SH2B3: variants seen among roughly 807,000 people sequenced by gnomAD.
SH2B3 encodes the protein SH2B adapter protein 3.
SH2B3 carries 43 observed loss-of-function variants against 51.9 expected under a neutral mutation model. The observed-to-expected ratio is 0.83, with a 90% CI of 0.65 to 1.07. The LOEUF (loss-of-function observed/expected upper bound fraction) is 1.07. Ranked by LOEUF, SH2B3 falls within the 50% of genes least tolerant of loss-of-function variation. SH2B3 has a pLI of 0.00. For synonymous variants in SH2B3, 396 were observed against 376.0 expected (o/e 1.05, Z -0.62); for missense variants, 952 against 834.3 (o/e 1.14, Z -1.74).
intron 1 of SH2B3, among the ~76,000 whole-genome samples, chr12:111,417,137 T>G (rs1347750234): frequency 6.6e-6 from 1 of 152,190 alleles, no homozygotes; most frequent in Admixed American, 6.5e-5. Flanking sequence ...CCTCACTCTT[T>G]CCCCCTGATG....
chr12:111,413,038 G>A (rs958116957), intron 1 of SH2B3, among the ~76,000 whole-genome samples: 1 of 152,182 alleles, frequency 6.6e-6, no homozygotes, highest in Admixed American at 6.5e-5. Context: ...CATTCATTGG[G>A]AAGTGAGCCC....
intron 2 of SH2B3, among the ~76,000 whole-genome samples, chr12:111,420,654 G>A (rs931574932): frequency 6.6e-6 from 1 of 152,162 alleles, no homozygotes; most frequent in Non-Finnish European, 1.5e-5. Context: ...TCATTCATTC[G>A]ACAGATATTT....
At chr12:111,431,518 T>C (rs926489935) in intron 2 of SH2B3, among the ~76,000 whole-genome samples, 3 of 151,742 alleles carry the variant, frequency 2.0e-5, no homozygotes, top group Non-Finnish European at 4.4e-5. Flanking sequence ...CAGAAAAACC[T>C]CCCACAATCT....
intron 2 of SH2B3, among the ~76,000 whole-genome samples, chr12:111,427,451 G>C (rs1249973483): frequency 6.6e-6 from 1 of 151,196 alleles, no homozygotes; most frequent in Non-Finnish European, 1.5e-5. Context: ...GCCGGCATTG[G>C]AGGGGGTCCC....
rs1873140503 is a variant in SH2B3 at position 111,438,912 on chromosome 12, A to G, written c.733-7841A>G. 6.6e-6 allele frequency among the ~76,000 whole-genome samples: 1 copy of G among 152,210 alleles called. No individual in the cohort carries two copies. Among genetic ancestry groups the G allele is most frequent in the African/African-American group, 2.4e-5 (1 of 41,454 alleles). On this transcript the variant is annotated intron_variant, in intron 2 of 7. Coordinates refer to ENST00000341259, the MANE Select transcript of SH2B3 (RefSeq NM_005475.3). This position sits in a 1 kb window ranked among gnomAD's most constrained non-coding sequence, Gnocchi z 4.2. ...GATCAGAGCGAGGGAGGGAGGCCCAAGAGGCTGAGGAGGTAACAAGGGTCT... is the reference window on the plus strand; with the variant it reads ...GATCAGAGCGAGGGAGGGAGGCCCAGGAGGCTGAGGAGGTAACAAGGGTCT...
chr12:111,423,680 A>C (rs1197330093), intron 2 of SH2B3, among the ~76,000 whole-genome samples: 1 of 152,054 alleles, frequency 6.6e-6, no homozygotes, highest in Non-Finnish European at 1.5e-5. Flanking sequence ...AGGGTTCTTA[A>C]CTTTGAAAAA....
intron 2 of SH2B3, chr12:111,434,957 G>T (rs1276235570): frequency 1.3e-6 from 2 of 1,535,462 alleles, no homozygotes; most frequent in Non-Finnish European, 1.7e-6. Flanking sequence ...GGCTGTGCCA[G>T]TTGGCTGGGA....
At chr12:111,421,103 A>G (rs73428145) in intron 2 of SH2B3, among the ~76,000 whole-genome samples, 15,508 of 152,184 alleles carry the variant, frequency 0.1, 2,654 homozygotes, top group African/African-American at 0.35. Context: ...GTTCTTGAAC[A>G]TCATGTGAAT....
rs186282978 is a variant in SH2B3 at position 111,409,411 on chromosome 12, C to T, written c.-28+3134C>T. ...TTAATTGCCAGGTTTCCTGGGAAAA[C>T]GGTCCCCAAGGGCCCGCGGGCGTTC... On this transcript the variant is annotated intron_variant, in intron 1 of 7. Coordinates refer to ENST00000341259, the MANE Select transcript of SH2B3 (RefSeq NM_005475.3). The surrounding 1 kb of genome is among the most constrained non-coding windows in gnomAD (Gnocchi z 4.0). 2.8e-3 allele frequency among the ~76,000 whole-genome samples: 434 copies of T among 152,336 alleles called. 3 individuals are homozygous for T. The highest frequency in any genetic ancestry group is 5.4e-3 in the South Asian group (26 of 4,830).
chr12:111,440,181 A>G (rs1873271351), intron 2 of SH2B3, among the ~76,000 whole-genome samples: 1 of 152,114 alleles, frequency 6.6e-6, no homozygotes. Flanking sequence ...TCATAGAAGC[A>G]CCCTGTGCTG....
intron 2 of SH2B3, among the ~76,000 whole-genome samples, chr12:111,432,817 C>A (rs954404210): frequency 3.3e-5 from 5 of 152,202 alleles, no homozygotes; most frequent in African/African-American, 9.7e-5. Context: ...TCCAGGTTCA[C>A]CGAAGTTACA....
At chr12:111,443,802 T>A (rs1873663040) in intron 2 of SH2B3, 2 of 152,082 alleles carry the variant, frequency 1.3e-5, no homozygotes, top group Admixed American at 6.6e-5. Context: ...TGTGAAAAAA[T>A]GAGCTGAATT....
intron 2 of SH2B3, among the ~76,000 whole-genome samples, chr12:111,432,459 TCA>T (rs1448510203): frequency 6.6e-6 from 1 of 152,224 alleles, no homozygotes; most frequent in African/African-American, 2.4e-5. Context: ...GAGTGCTGGG[TCA>T]AGGCTTTTAT....
intron 2 of SH2B3, among the ~76,000 whole-genome samples, chr12:111,423,654 G>A: frequency 6.6e-6 from 1 of 152,160 alleles, no homozygotes; most frequent in East Asian, 1.9e-4. Flanking sequence ...ACAGGCGTGA[G>A]CCACTGCGCC....
rs747361036 is a variant in SH2B3, at chr12:111,447,026, G to T, written c.919G>T (p.Gly307Cys). The T allele has an allele frequency of 6.2e-7, 1 of 1,613,686 alleles. No individual in the cohort carries two copies. Among genetic ancestry groups the T allele is most frequent in the South Asian group, 1.1e-5 (1 of 91,070 alleles). Residue 307 changes from glycine (G) to cysteine (C), a missense_variant, in exon 4 of 8, where the codon GGC becomes TGC. Gly to Cys is a radical substitution (Grantham distance 159). Coordinates refer to ENST00000341259, the MANE Select transcript of SH2B3 (RefSeq NM_005475.3). Reference sequence around the variant, plus strand: ...GATGGCTGAGCTCTCGGAGTGCACAGGCCGAGGGTGAGGTCCTGGGCCCTC... The same window carrying T: ...GATGGCTGAGCTCTCGGAGTGCACATGCCGAGGGTGAGGTCCTGGGCCCTC... Reference protein sequence around the residue: ...SWMAELSECTGRGLESTEAEM... With the variant: ...SWMAELSECTCRGLESTEAEM...
intron 2 of SH2B3, among the ~76,000 whole-genome samples, chr12:111,430,165 G>A (rs1463169251): frequency 6.6e-6 from 1 of 152,246 alleles, no homozygotes; most frequent in African/African-American, 2.4e-5. Context: ...GGTGCCTGCA[G>A]TGGCCTTCTG....
At chr12:111,437,260 G>A (rs1872962485) in intron 2 of SH2B3, among the ~76,000 whole-genome samples, 1 of 152,198 alleles carries the variant, frequency 6.6e-6, no homozygotes, top group African/African-American at 2.4e-5. Context: ...TGGGAAATAG[G>A]GGGATGTTCT....
chr12:111,448,086 T>TGGCTGTCCCCGGGGGCTCAGCCCAGA lies in SH2B3; in HGVS notation c.1515_1540dup (p.Gly514AlafsTer43). 1 of 1,614,084 alleles carries TGGCTGTCCCCGGGGGCTCAGCCCAGA rather than the reference T, an allele frequency of 6.2e-7. No individual in the cohort carries two copies. Among genetic ancestry groups the TGGCTGTCCCCGGGGGCTCAGCCCAGA allele is most frequent in the Non-Finnish European group, 8.5e-7 (1 of 1,179,954 alleles). ...TGGGCCTTCCCCACCTTAGTTCTTC[T>TGGCTGTCCCCGGGGGCTCAGCCCAGA]GGCTGTCCCCGGGGGCTCAGCCCAG... On this transcript the variant is annotated frameshift_variant, in exon 8 of 8. Coordinates refer to ENST00000341259, the MANE Select transcript of SH2B3 (RefSeq NM_005475.3). LOFTEE classifies it high-confidence loss of function.
rs367587742 is a variant in SH2B3, at chr12:111,450,388, G to A, written c.*2086G>A. The A allele has an allele frequency of 2.0e-5, 3 of 152,216 alleles. No homozygotes were observed. The East Asian group carries it at 5.8e-4, about 29-fold the overall frequency. The allele number at this position is 152,216 out of a possible 1,614,324, so 9.4% of individuals were successfully genotyped here. ...ATGCTAATTAGTGTGAACCAAAAGA[G>A]TAAGTAAGAGTCTGAAGTTTTTTTA... On this transcript the variant is annotated 3_prime_UTR_variant, in exon 8 of 8. Transcript: ENST00000341259.
Sources: allele counts gnomAD v4.1 joint callset (sites outside exome capture counted in the v4.1 genomes callset), GRCh38; gene constraint gnomAD v4.1.1; non-coding constraint Gnocchi (gnomAD v3.1); transcripts MANE v1.5; gene names NCBI Gene and HGNC (gene_info 2026-07-23, HGNC 2026-07-21).